The following MOCOS variants were observed in gnomAD, a reference collection of about 807,000 sequenced individuals.
MOCOS encodes the protein human molybdenum cofactor sulfurase.
MOCOS carries 86 observed loss-of-function variants against 83.6 expected under a neutral mutation model. The ratio of observed to expected loss-of-function variants is 1.03; its 90% CI spans 0.86 to 1.23. The LOEUF is 1.23. Ranked by LOEUF, MOCOS falls within the 50% of genes most tolerant of loss-of-function variation. The pLI, the probability that MOCOS is intolerant of heterozygous loss-of-function variation, is 0.00. For synonymous variants in MOCOS, 445 were observed against 434.7 expected (o/e 1.02, Z -0.29); for missense variants, 1,120 against 1,126.9 (o/e 0.99, Z 0.09).
At chr18:36,204,427 C>T (rs942943616) in intron 5 of MOCOS, among the ~76,000 whole-genome samples, 1 of 152,046 alleles carries the variant, frequency 6.6e-6, no homozygotes, top group African/African-American at 2.4e-5. Flanking sequence ...ATGATTTAAA[C>T]ATTAATAATA....
intron 8 of MOCOS, among the ~76,000 whole-genome samples, chr18:36,218,058 C>T (rs2091481538): frequency 6.6e-6 from 1 of 152,152 alleles, no homozygotes; most frequent in Non-Finnish European, 1.5e-5. Context: ...GATGGGGCGA[C>T]AAGGCTTGGC....
intron 9 of MOCOS, among the ~76,000 whole-genome samples, chr18:36,223,718 C>A (rs1311916369): frequency 6.6e-6 from 1 of 152,180 alleles, no homozygotes; most frequent in African/African-American, 2.4e-5. Flanking sequence ...TTCTTCTAAT[C>A]CATGAACATG....
chr18:36,237,252 T>C (rs1351596173), intron 9 of MOCOS, among the ~76,000 whole-genome samples: 3 of 149,008 alleles, frequency 2.0e-5, no homozygotes, highest in Non-Finnish European at 4.4e-5. Flanking sequence ...CCATTCAGTA[T>C]GATATTGGCT....
rs544770748 is a variant in MOCOS at position 36,203,181 on chromosome 18, G to A, written c.1010G>A (p.Arg337His). ...AAACATGGATTTGACACCCTAGAGC[G>A]CCTCACAGGTCAGTGGACATTTCTA... ...ALKHGFDTLE[R>H]LTGGMENIKQ... is the part of the protein sequence containing the mutation. The change falls in exon 5 of 15, where the codon CGC (arginine) becomes CAC (histidine). Residue 337 changes from arginine (R) to histidine (H), a missense_variant. Coordinates refer to ENST00000261326, the MANE Select transcript of MOCOS (RefSeq NM_017947.4). 66 of 1,613,898 alleles carry A rather than the reference G, an allele frequency of 4.1e-5. No individual in the cohort carries two copies. The highest frequency in any genetic ancestry group is 3.3e-4 in the Middle Eastern group (2 of 6,062).
At position 36,234,878 on chromosome 18, in the gene MOCOS, T is replaced by G. The variant is rs561243258; in HGVS notation, c.1961-14044T>G. On this transcript the variant is annotated intron_variant, in intron 9 of 14. Transcript: ENST00000261326. ...GAGAGAGAAGGGCAAAGGAGGAACT[T>G]CCAAACATTTATAAAACCATCAGAT... 2.6e-5 allele frequency among the ~76,000 whole-genome samples: 4 copies of G among 152,170 alleles called. No homozygotes were observed. The East Asian group carries it at 7.7e-4, about 29-fold the overall frequency.
chr18:36,256,708 C>A, intron 11 of MOCOS: 1 of 401,574 alleles, frequency 2.5e-6, no homozygotes, highest in East Asian at 5.7e-5. Flanking sequence ...CCTCAGCCTC[C>A]CAAAGTGCTG....
intron 9 of MOCOS, among the ~76,000 whole-genome samples, chr18:36,233,713 T>G (rs1415847356): frequency 6.6e-6 from 1 of 152,234 alleles, no homozygotes; most frequent in Non-Finnish European, 1.5e-5. Flanking sequence ...TTTTCAATTT[T>G]TAAATTATGG....
At chr18:36,253,620 C>T (rs989468523) in intron 11 of MOCOS, among the ~76,000 whole-genome samples, 27 of 151,588 alleles carry the variant, frequency 1.8e-4, no homozygotes, top group African/African-American at 6.5e-4. Context: ...GAGCCAAGAC[C>T]ACGCCACTGC....
rs55862324 is a variant in MOCOS, at chr18:36,268,705, G to T, written c.*20G>T. 3 of 571,930 alleles carry T rather than the reference G, an allele frequency of 5.2e-6. No individual in the cohort carries two copies. The South Asian group carries it at 5.4e-5, about 10-fold the overall frequency. The allele number at this position is 571,930 out of a possible 1,614,324, so 35.4% of individuals were successfully genotyped here. On this transcript the variant is annotated 3_prime_UTR_variant, in exon 15 of 15. Coordinates refer to ENST00000261326, the MANE Select transcript of MOCOS (RefSeq NM_017947.4). ...TCCTAAAAAAAATTTTTAGCATAAA[G>T]TTTCTCTTTTACAGTGATCTCTATT... is the stretch of plus-strand genomic sequence containing the variant.
chr18:36,235,134 A>T (rs1373123079), intron 9 of MOCOS, among the ~76,000 whole-genome samples: 3 of 151,566 alleles, frequency 2.0e-5, no homozygotes, highest in Admixed American at 6.6e-5. Context: ...ATTTTTTTAA[A>T]TTTTTTTATT....
chr18:36,220,102 C>T lies in MOCOS; in HGVS notation c.1845C>T (p.Ser615=), dbSNP rs1172547193. ...ACCAAGGGCTGCTATATGACCGGAG[C>T]TGGATGGTTGTGAATCACAATGGTG... The part of the protein sequence containing the change: ...VGNQGLLYDR[S]WMVVNHNGVC... The change falls in exon 9 of 15, where the codon AGC becomes AGT. Residue 615 remains serine (S), a synonymous_variant. Transcript: ENST00000261326. 1.2e-6 allele frequency: 2 copies of T among 1,613,742 alleles called. No individual in the cohort carries two copies. Among genetic ancestry groups the T allele is most frequent in the Non-Finnish European group, 1.7e-6 (2 of 1,180,022 alleles).
intron 8 of MOCOS, among the ~76,000 whole-genome samples, chr18:36,217,024 G>A (rs1303265699): frequency 1.3e-5 from 2 of 152,186 alleles, no homozygotes; most frequent in Non-Finnish European, 2.9e-5. Flanking sequence ...TATCATGGTT[G>A]TGAAAGACAA....
At chr18:36,213,714 A>G (rs1598877169) in intron 7 of MOCOS, among the ~76,000 whole-genome samples, 1 of 152,128 alleles carries the variant, frequency 6.6e-6, no homozygotes, top group Non-Finnish European at 1.5e-5. Context: ...GGATCACCTG[A>G]GGTCAGGAGT....
At chr18:36,218,619 A>G (rs2091483515) in intron 8 of MOCOS, among the ~76,000 whole-genome samples, 1 of 151,990 alleles carries the variant, frequency 6.6e-6, no homozygotes. Flanking sequence ...GTCTCAAGCT[A>G]TCCTCCCGCC....
chr18:36,198,091 G>A (rs1006579296), intron 2 of MOCOS, among the ~76,000 whole-genome samples: 2 of 151,854 alleles, frequency 1.3e-5, no homozygotes, highest in Admixed American at 6.6e-5. Context: ...CTTTTTATTG[G>A]CAAATAACTT....
intron 1 of MOCOS, among the ~76,000 whole-genome samples, chr18:36,192,812 C>G (rs116359932): frequency 5.3e-5 from 8 of 152,032 alleles, no homozygotes; most frequent in African/African-American, 1.9e-4. Flanking sequence ...TACCGCCTGG[C>G]TAATTTTTGT....
At chr18:36,267,323 C>T (rs8084553) in intron 14 of MOCOS, among the ~76,000 whole-genome samples, 1 of 152,296 alleles carries the variant, frequency 6.6e-6, no homozygotes, top group East Asian at 1.9e-4. Context: ...AGAAACTGAA[C>T]TTCCAATGTG....
chr18:36,255,304 G>A (rs796755232), intron 11 of MOCOS, among the ~76,000 whole-genome samples: 8 of 152,284 alleles, frequency 5.3e-5, no homozygotes, highest in African/African-American at 1.9e-4. Context: ...TGAAGTATGT[G>A]ACCGAAGCAC....
Position 36,270,339 on chromosome 18 carries a change from G to C in MOCOS, c.*1654G>C, listed in dbSNP as rs796974380. The C allele has an allele frequency of 7.2e-5, 11 of 152,250 alleles. No individual in the cohort carries two copies. Among genetic ancestry groups the C allele is most frequent in the African/African-American group, 2.6e-4 (11 of 41,542 alleles). 9.4% of individuals were successfully genotyped at this position (152,250 alleles called of 1,614,324 possible). A position where few individuals can be genotyped will look rare whatever the true frequency, so the allele number is the denominator to read the frequency against. Reference sequence around the variant, plus strand: ...GAGGGAACTTTCCAGATGGCACATTGCCCCATTTCCAAGACCTTCCGCTGA... The same window carrying C: ...GAGGGAACTTTCCAGATGGCACATTCCCCCATTTCCAAGACCTTCCGCTGA... On this transcript the variant is annotated 3_prime_UTR_variant, in exon 15 of 15. Transcript: ENST00000261326.
Sources: gnomAD v4.1 joint callset for allele counts (sites outside exome capture counted in the v4.1 genomes callset) on GRCh38, gnomAD v4.1.1 for gene constraint, MANE v1.5 for transcripts, NCBI Gene and HGNC (gene_info 2026-07-23, HGNC 2026-07-21) for gene names.